Variants in NCOA3 observed in about 807,000 individuals in gnomAD.
NCOA3 encodes CBP-interacting protein.
NCOA3 carries 51 observed loss-of-function variants against 158.8 expected under a neutral mutation model. The observed-to-expected ratio is 0.32, with a 90% CI of 0.26 to 0.41. NCOA3 has a LOEUF of 0.41. NCOA3 is among the 10% of genes least tolerant of loss of function. NCOA3 has a pLI of 1.00. For synonymous variants in NCOA3, 537 were observed against 592.4 expected (o/e 0.91, Z 1.36); for missense variants, 1,510 against 1,746.6 (o/e 0.86, Z 2.41).
At chr20:47,591,745 CTT>C (rs539333586) in intron 2 of NCOA3, among the ~76,000 whole-genome samples, 1 of 144,628 alleles carries the variant, frequency 6.9e-6, no homozygotes. Flanking sequence ...ACCTCCTCCC[CTT>C]TTTTTTTTTG....
intron 1 of NCOA3, among the ~76,000 whole-genome samples, chr20:47,561,397 C>A (rs757546420): frequency 1.3e-5 from 2 of 150,982 alleles, no homozygotes; most frequent in Non-Finnish European, 2.9e-5. Flanking sequence ...AATTCCTGGG[C>A]TCAAGTGATC....
chr20:47,599,043 G>A (rs2085812901), intron 2 of NCOA3, among the ~76,000 whole-genome samples: 1 of 152,208 alleles, frequency 6.6e-6, no homozygotes. Context: ...TTGCGTAGGA[G>A]CTGTAGGCTA....
At chr20:47,605,742 A>G (rs2085936751) in intron 2 of NCOA3, among the ~76,000 whole-genome samples, 1 of 152,104 alleles carries the variant, frequency 6.6e-6, no homozygotes, top group Non-Finnish European at 1.5e-5. Context: ...TGGTCCACAA[A>G]TATATTTGTC....
intron 13 of NCOA3, 24 bp downstream of exon 13, chr20:47,637,807 T>C (rs2086540762): frequency 1.3e-6 from 2 of 1,578,104 alleles, no homozygotes; most frequent in Non-Finnish European, 1.7e-6. Context: ...AGGTTTTTTT[T>C]TTTTTTGCTG....
In NCOA3 at chr20:47,623,893, C is replaced by T. The variant is rs1194057112; in HGVS notation, c.84-18C>T. ...ATATTATGTCTCCTTTCCCCCCTTTCTACGCCTTTTCCCTTAGTCTTACCT... is the reference window on the plus strand; with the variant it reads ...ATATTATGTCTCCTTTCCCCCCTTTTTACGCCTTTTCCCTTAGTCTTACCT... On this transcript the variant is annotated intron_variant, in intron 3 of 22. Transcript: ENST00000371998. 1.9e-6 allele frequency: 3 copies of T among 1,601,574 alleles called. No homozygotes were observed. Among genetic ancestry groups the T allele is most frequent in the South Asian group, 2.3e-5 (2 of 88,816 alleles).
intron 17 of NCOA3, 73 bp from the exon 18 acceptor site, chr20:47,646,996 TGCAC>T (rs1406434261): frequency 1.8e-5 from 24 of 1,359,784 alleles, no homozygotes; most frequent in Middle Eastern, 3.7e-4. Flanking sequence ...GGATGTTTTT[TGCAC>T]TTTCTTTAGA....
intron 17 of NCOA3, among the ~76,000 whole-genome samples, chr20:47,645,884 G>C (rs1348800764): frequency 6.6e-6 from 1 of 152,192 alleles, no homozygotes; most frequent in Non-Finnish European, 1.5e-5. Context: ...GGGTGAAATG[G>C]AAAGAAGGGA....
chr20:47,654,850 G>C lies in NCOA3; in HGVS notation c.*1433G>C, dbSNP rs1202645091. ...CCGAAATAATAGCAATTCATGGGCTGTGTGTGTGTGTGTATGTGTGTGTGT... is the reference window on the plus strand; with the variant it reads ...CCGAAATAATAGCAATTCATGGGCTCTGTGTGTGTGTGTATGTGTGTGTGT... On this transcript the variant is annotated 3_prime_UTR_variant, in exon 23 of 23. Transcript: ENST00000371998. The C allele has an allele frequency of 6.9e-6, 1 of 145,700 alleles. No individual in the cohort carries two copies. The highest frequency in any genetic ancestry group is 2.2e-4 in the South Asian group (1 of 4,618). 9.0% of individuals were successfully genotyped at this position (145,700 alleles called of 1,614,324 possible). A position where few individuals can be genotyped will look rare whatever the true frequency, so the allele number is the denominator to read the frequency against.
At chr20:47,622,148 GTCAT>G (rs1266050826) in intron 2 of NCOA3, 77 bp from the exon 3 acceptor site, 3 of 670,712 alleles carry the variant, frequency 4.5e-6, no homozygotes, top group East Asian at 3.1e-5. Flanking sequence ...AAAAGTTGCA[GTCAT>G]TCAGTCATAT....
At chr20:47,529,380 A>G (rs1156278084) in intron 1 of NCOA3, among the ~76,000 whole-genome samples, 3 of 151,394 alleles carry the variant, frequency 2.0e-5, no homozygotes, top group East Asian at 2.0e-4. Flanking sequence ...TGGCCTCCCA[A>G]CGTGCTAGGA....
At chr20:47,505,734 T>C (rs1004853645) in intron 1 of NCOA3, among the ~76,000 whole-genome samples, 1 of 152,020 alleles carries the variant, frequency 6.6e-6, no homozygotes, top group African/African-American at 2.4e-5. Context: ...AAGGGGACTA[T>C]ATTGGTTTGG....
intron 1 of NCOA3, among the ~76,000 whole-genome samples, chr20:47,502,448 G>A (rs2083950241): frequency 6.6e-6 from 1 of 152,194 alleles, no homozygotes; most frequent in South Asian, 2.1e-4. Flanking sequence ...GGGACGCACG[G>A]GAGGGAAAAG....
At chr20:47,590,185 T>C (rs2085606280) in intron 2 of NCOA3, among the ~76,000 whole-genome samples, 2 of 152,318 alleles carry the variant, frequency 1.3e-5, no homozygotes, top group South Asian at 4.1e-4. Context: ...ATATTGTTCT[T>C]AATTATAAGA....
At position 47,642,201 on chromosome 20, in the gene NCOA3, G is replaced by A; in HGVS notation, c.3081-12G>A. ...AAAGCACCATTGACATTGATTGCAA[G>A]TCTTTTTCTAGGCCTCTTCTTAGGA... On this transcript the variant is annotated splice_polypyrimidine_tract_variant and intron_variant, in intron 16 of 22. Transcript: ENST00000371998. The A allele has an allele frequency of 7.1e-6, 11 of 1,548,220 alleles. No individual in the cohort carries two copies. Among genetic ancestry groups the A allele is most frequent in the Non-Finnish European group, 9.5e-6 (11 of 1,153,018 alleles).
At position 47,627,748 on chromosome 20, in the gene NCOA3, A is replaced by T; in HGVS notation, c.720A>T (p.Glu240Asp). The change falls in exon 7 of 23, where the codon GAA (glutamate) becomes GAT (aspartate). Residue 240 changes from glutamate (E) to aspartate (D), a missense_variant and splice_region_variant. Transcript: ENST00000371998. The stretch of plus-strand genomic sequence containing the variant: ...CACGAGCTATGATGGAGGAAGGGGA[A>T]GGTAAGAGCTATTATATGTTTGTGA... ...SQPRAMMEEGEDLQSCMICVA... is the reference protein window; with the variant it reads ...SQPRAMMEEGDDLQSCMICVA... 6.2e-7 allele frequency: 1 copy of T among 1,612,654 alleles called. No individual in the cohort carries two copies. The highest frequency in any genetic ancestry group is 8.5e-7 in the Non-Finnish European group (1 of 1,179,412).
At chr20:47,581,781 A>C (rs2085457194) in intron 1 of NCOA3, among the ~76,000 whole-genome samples, 1 of 152,188 alleles carries the variant, frequency 6.6e-6, no homozygotes, top group Non-Finnish European at 1.5e-5. Flanking sequence ...TCAAGTGCAA[A>C]AGCCTGCTGT....
chr20:47,570,931 A>AATAT lies in NCOA3; in HGVS notation c.-98-12246_-98-12243dup, dbSNP rs74178746. On this transcript the variant is annotated intron_variant, in intron 1 of 22. Coordinates refer to ENST00000371998, the MANE Select transcript of NCOA3 (RefSeq NM_181659.3). ...ACCACGTGCACCGTTAATGAGCAGT[A>AATAT]ATATATATACACACACACACACACA... Among the ~76,000 whole-genome samples the AATAT allele has an allele frequency of 5.6e-3, 676 of 119,890 alleles. 16 individuals are homozygous for AATAT. Among genetic ancestry groups the AATAT allele is most frequent in the African/African-American group, 0.021 (641 of 30,012 alleles). The allele number at this position is 119,890 out of a possible 152,430, so 78.7% of individuals were successfully genotyped here. A position where few individuals can be genotyped will look rare whatever the true frequency, so the allele number is the denominator to read the frequency against.
At chr20:47,606,907 C>T (rs1328015547) in intron 2 of NCOA3, among the ~76,000 whole-genome samples, 1 of 152,122 alleles carries the variant, frequency 6.6e-6, no homozygotes, top group Non-Finnish European at 1.5e-5. Context: ...CTTGAATCGG[C>T]CACCATGAGC....
chr20:47,617,749 A>G (rs1220806799), intron 2 of NCOA3, among the ~76,000 whole-genome samples: 1 of 152,138 alleles, frequency 6.6e-6, no homozygotes, highest in Non-Finnish European at 1.5e-5. Context: ...ATGCTTTTTT[A>G]TTTCTCATGT....
Sources: gnomAD v4.1 joint callset for allele counts (sites outside exome capture counted in the v4.1 genomes callset) on GRCh38, gnomAD v4.1.1 for gene constraint, MANE v1.5 for transcripts, NCBI Gene and HGNC (gene_info 2026-07-23, HGNC 2026-07-21) for gene names.